DARS1: variants seen among roughly 807,000 people sequenced by gnomAD.
DARS1 encodes the protein aspartate--tRNA ligase, cytoplasmic.
In DARS1, 51 loss-of-function variants were observed where a neutral mutation model predicts 68.8. The ratio of observed to expected loss-of-function variants is 0.74; its 90% CI spans 0.59 to 0.94. The LOEUF (loss-of-function observed/expected upper bound fraction) is 0.94, where lower values mean the gene tolerates loss of function less well. Among genes scored for constraint, DARS1 ranks in the 40% least tolerant of loss-of-function variants. The probability of loss-of-function intolerance (pLI) is 0.00; values close to 1 mark genes in which losing one functional copy is unlikely to be tolerated. For missense variants in DARS1, 607 were observed against 597.3 expected (o/e 1.02, Z -0.17); for synonymous variants, 203 against 190.4 (o/e 1.07, Z -0.55).
intron 4 of DARS1, among the ~76,000 whole-genome samples, chr2:135,956,703 T>A (rs1681984659): frequency 6.6e-6 from 1 of 152,204 alleles, no homozygotes; most frequent in African/African-American, 2.4e-5. Flanking sequence ...ATTACACCCA[T>A]CTGTCCACTG....
chr2:135,905,955 T>C lies in DARS1; in HGVS notation c.*1361A>G, dbSNP rs1680772041. 6.6e-6 allele frequency among the ~76,000 whole-genome samples: 1 copy of C among 152,202 alleles called. No homozygotes were observed. Among genetic ancestry groups the C allele is most frequent in the African/African-American group, 2.4e-5 (1 of 41,458 alleles). ...AAGAACAGCTCTAGGGCCAATATTA[T>C]TGTACTATTTTAGGGTCTAGCAATT... On this transcript the variant is annotated 3_prime_UTR_variant, in exon 16 of 16. Coordinates refer to ENST00000264161, the MANE Select transcript of DARS1 (RefSeq NM_001349.4).
At chr2:135,922,117 A>G (rs1174359163) in intron 9 of DARS1, among the ~76,000 whole-genome samples, 1 of 152,130 alleles carries the variant, frequency 6.6e-6, no homozygotes, top group Non-Finnish European at 1.5e-5. Context: ...TTTCTTAAAA[A>G]CCATATTAAT....
intron 5 of DARS1, among the ~76,000 whole-genome samples, chr2:135,939,697 C>CA (rs1302529361): frequency 4.6e-5 from 7 of 152,118 alleles, no homozygotes; most frequent in African/African-American, 7.2e-5. Flanking sequence ...AAAAACCCTT[C>CA]AAAAAATCAA....
chr2:135,937,383 G>GA (rs1681493959), intron 5 of DARS1, among the ~76,000 whole-genome samples: 1 of 151,326 alleles, frequency 6.6e-6, no homozygotes, highest in Admixed American at 6.6e-5. Flanking sequence ...TTAATCCTGA[G>GA]AAAAAAACAG....
intron 1 of DARS1, among the ~76,000 whole-genome samples, chr2:135,984,806 G>C (rs1316553394): frequency 6.6e-6 from 1 of 152,058 alleles, no homozygotes; most frequent in African/African-American, 2.4e-5. Flanking sequence ...GGATCACTGG[G>C]TGTTATGAAT....
At chr2:135,952,324 G>A (rs1162719179) in intron 4 of DARS1, among the ~76,000 whole-genome samples, 1 of 152,006 alleles carries the variant, frequency 6.6e-6, no homozygotes, top group Non-Finnish European at 1.5e-5. Context: ...GAGGTACAGT[G>A]TGATGTCTCC....
At chr2:135,940,138 A>C (rs926920183) in intron 5 of DARS1, among the ~76,000 whole-genome samples, 1 of 152,222 alleles carries the variant, frequency 6.6e-6, no homozygotes, top group Non-Finnish European at 1.5e-5. Context: ...AAAAGAGGGA[A>C]TCCTCCCTAA....
chr2:135,949,341 T>TA (rs995295534), intron 4 of DARS1, among the ~76,000 whole-genome samples: 12 of 151,314 alleles, frequency 7.9e-5, no homozygotes, highest in African/African-American at 1.5e-4. Flanking sequence ...GGACTTCCTT[T>TA]AAAAAAAAAC....
intron 4 of DARS1, among the ~76,000 whole-genome samples, chr2:135,948,626 A>G (rs971634562): frequency 1.3e-5 from 2 of 152,146 alleles, no homozygotes; most frequent in Admixed American, 6.6e-5. Flanking sequence ...GCACTTTGGG[A>G]GGCCAGGGCG....
At chr2:135,949,422 A>C (rs1277511946) in intron 4 of DARS1, among the ~76,000 whole-genome samples, 1 of 152,170 alleles carries the variant, frequency 6.6e-6, no homozygotes, top group Non-Finnish European at 1.5e-5. Flanking sequence ...CACACATACA[A>C]AAAAATTTTT....
intron 7 of DARS1, among the ~76,000 whole-genome samples, chr2:135,930,314 G>C (rs940401125): frequency 1.2e-4 from 19 of 152,178 alleles, no homozygotes; most frequent in Non-Finnish European, 2.9e-5. Flanking sequence ...GTAGCATTGA[G>C]GATAATGTGG....
chr2:135,942,318 G>A (rs1575394733), intron 5 of DARS1, among the ~76,000 whole-genome samples: 1 of 152,088 alleles, frequency 6.6e-6, no homozygotes, highest in Non-Finnish European at 1.5e-5. Context: ...GGAATACTAT[G>A]CAGCCATAAA....
intron 4 of DARS1, among the ~76,000 whole-genome samples, chr2:135,946,704 C>A (rs1178479056): frequency 6.6e-6 from 1 of 152,084 alleles, no homozygotes; most frequent in East Asian, 1.9e-4. Flanking sequence ...TAACAGCACA[C>A]AACTCCAGTC....
At chr2:135,917,918 A>T (rs1007035250) in intron 10 of DARS1, among the ~76,000 whole-genome samples, 1 of 151,482 alleles carries the variant, frequency 6.6e-6, no homozygotes, top group African/African-American at 2.4e-5. Context: ...TGATTTTTTT[A>T]AATTTGTTTT....
intron 15 of DARS1, 96 bp from the exon 16 acceptor site, chr2:135,907,503 C>T: frequency 5.2e-6 from 4 of 766,940 alleles, no homozygotes; most frequent in Middle Eastern, 2.5e-4. Flanking sequence ...AAACTAAATA[C>T]TTTTCCTTGT....
intron 10 of DARS1, among the ~76,000 whole-genome samples, chr2:135,918,004 C>T (rs780364918): frequency 6.6e-6 from 1 of 152,160 alleles, no homozygotes; most frequent in African/African-American, 2.4e-5. Flanking sequence ...TCTGCAACCT[C>T]TGCCTGCTGG....
intron 3 of DARS1, 49 bp from the exon 4 acceptor site, chr2:135,961,547 G>C (rs367604248): frequency 1.6e-5 from 15 of 955,280 alleles, no homozygotes; most frequent in Non-Finnish European, 2.6e-5. Flanking sequence ...CGCAACTTCA[G>C]GTTTTACAAA....
chr2:135,966,148 T>G (rs974715293), intron 3 of DARS1, among the ~76,000 whole-genome samples: 17 of 152,002 alleles, frequency 1.1e-4, no homozygotes, highest in Non-Finnish European at 1.9e-4. Flanking sequence ...TGTATGTATA[T>G]TTTGTCTGTC....
intron 7 of DARS1, among the ~76,000 whole-genome samples, chr2:135,929,469 T>C (rs922552331): frequency 2.0e-5 from 3 of 152,204 alleles, no homozygotes; most frequent in Non-Finnish European, 2.9e-5. Context: ...ATAATATCCA[T>C]GAAAACATGG....
Sources: allele counts gnomAD v4.1 joint callset (sites outside exome capture counted in the v4.1 genomes callset), GRCh38; gene constraint gnomAD v4.1.1; transcripts MANE v1.5; gene names NCBI Gene and HGNC (gene_info 2026-07-23, HGNC 2026-07-21).